Variants in ACAN observed in about 807,000 individuals in gnomAD.
The protein encoded by ACAN is aggrecan.
Under a neutral mutation model 169.1 loss-of-function variants are expected in ACAN, and 47 were observed. That is an observed-to-expected ratio of 0.28 (90% confidence interval 0.22 to 0.35). The LOEUF (loss-of-function observed/expected upper bound fraction) is 0.35. ACAN is among the 10% of genes least tolerant of loss of function. The pLI is 1.00. For missense variants in ACAN, 2,716 were observed against 2,759.9 expected (o/e 0.98, Z 0.36); for synonymous variants, 1,115 against 1,112.2 (o/e 1.00, Z -0.05).
chr15:88,865,990 C>T (rs1334193547), intron 13 of ACAN, among the ~76,000 whole-genome samples: 2 of 152,112 alleles, frequency 1.3e-5, no homozygotes, highest in Non-Finnish European at 2.9e-5. Flanking sequence ...CCCTCCTCAT[C>T]TGTAAATCCA....
In ACAN at chr15:88,814,509, G is replaced by A. The variant is rs1683231731; in HGVS notation, c.-8+10700G>A. ...GCTGTCTGCCACCCTGCAGCTAGCT[G>A]AGGGACAGGACAGATGACGAAAGCC... is the stretch of plus-strand genomic sequence containing the variant. On this transcript the variant is annotated intron_variant, in intron 1 of 18. Coordinates refer to ENST00000560601, the MANE Select transcript of ACAN (RefSeq NM_001369268.1). This position sits in a 1 kb window ranked among gnomAD's most constrained non-coding sequence, Gnocchi z 4.0. 6.6e-6 allele frequency among the ~76,000 whole-genome samples: 1 copy of A among 152,228 alleles called. No homozygotes were observed. Among genetic ancestry groups the A allele is most frequent in the Non-Finnish European group, 1.5e-5 (1 of 68,042 alleles).
rs1379576088 is a variant in ACAN at position 88,858,323 on chromosome 15, T to C, written c.5738T>C (p.Ile1913Thr). 2.0e-5 allele frequency: 32 copies of C among 1,613,770 alleles called. No homozygotes were observed. The East Asian group carries it at 2.7e-4, about 13-fold the overall frequency. Residue 1913 changes from isoleucine (I) to threonine (T), a missense_variant, in exon 12 of 19, where the codon ATT becomes ACT. By Grantham distance (89) the Ile-to-Thr change is moderately conservative. Coordinates refer to ENST00000560601, the MANE Select transcript of ACAN (RefSeq NM_001369268.1). This position sits in a 1 kb window ranked among gnomAD's most constrained non-coding sequence, Gnocchi z 4.0. ...EVSGESSRAE[I>T]GSSLPSGAYY... ...AGTGGAGAATCCTCCAGAGCTGAGA[T>C]TGGGAGCAGCCTGCCCTCGGGAGCA...
rs149083251 is a variant in ACAN at position 88,858,698 on chromosome 15, C to T, written c.6113C>T (p.Thr2038Ile). Residue 2038 changes from threonine to isoleucine, a missense_variant, in exon 12 of 19, where the codon ACT (threonine) becomes ATT (isoleucine). Thr to Ile is a moderately conservative substitution (Grantham distance 89). Transcript: ENST00000560601. This position sits in a 1 kb window ranked among gnomAD's most constrained non-coding sequence, Gnocchi z 4.0. ...GGACTTCCAGAAGTTACTTTAATCACTTCTGAGTTCGTGGAGGGTGTTACT... is the reference window on the plus strand; with the variant it reads ...GGACTTCCAGAAGTTACTTTAATCATTTCTGAGTTCGTGGAGGGTGTTACT... ...ASGLPEVTLI[T>I]SEFVEGVTEP... 26 of 1,613,970 alleles carry T rather than the reference C, an allele frequency of 1.6e-5. No homozygotes were observed. In the African/African-American group the frequency reaches 2.5e-4, roughly 16 times the overall value.
At chr15:88,864,938 T>C (rs1897257497) in intron 13 of ACAN, among the ~76,000 whole-genome samples, 3 of 152,194 alleles carry the variant, frequency 2.0e-5, no homozygotes, top group Admixed American at 1.3e-4. Context: ...TCGTTCAGCA[T>C]TTTTTATGAG....
Position 88,847,950 on chromosome 15 carries a change from C to G in ACAN, c.1644C>G (p.Asp548Glu). The change falls in exon 9 of 19, where the codon GAC becomes GAG. Residue 548 changes from aspartate to glutamate, a missense_variant. Transcript: ENST00000560601. ...IVSPRTPCVG[D>E]KDSSPGVRTY... ...GCCCCCGGACCCCATGCGTGGGTGA[C>G]AAGGACAGCAGCCCAGGGGTCAGGA... is the stretch of plus-strand genomic sequence containing the variant. 6.2e-7 allele frequency: 1 copy of G among 1,613,988 alleles called. No homozygotes were observed. Among genetic ancestry groups the G allele is most frequent in the Non-Finnish European group, 8.5e-7 (1 of 1,179,866 alleles).
At chr15:88,852,766 C>T (rs964689777) in intron 11 of ACAN, among the ~76,000 whole-genome samples, 1 of 152,180 alleles carries the variant, frequency 6.6e-6, no homozygotes, top group Admixed American at 6.5e-5. Context: ...TCCCCCCACT[C>T]CCACAGAGCA....
chr15:88,853,163 G>A (rs897133412), intron 11 of ACAN, among the ~76,000 whole-genome samples: 1 of 152,204 alleles, frequency 6.6e-6, no homozygotes, highest in Non-Finnish European at 1.5e-5. Context: ...GTGTGACTTT[G>A]CACAGGACTC....
intron 1 of ACAN, among the ~76,000 whole-genome samples, chr15:88,829,233 T>C (rs1471995367): frequency 1.3e-5 from 2 of 152,156 alleles, no homozygotes; most frequent in Non-Finnish European, 2.9e-5. Context: ...GGAGGAAATA[T>C]CAAAAGAGTA....
Position 88,814,627 on chromosome 15 carries a change from G to A in ACAN, c.-8+10818G>A, listed in dbSNP as rs528945121. Among the ~76,000 whole-genome samples, 233 of 152,300 alleles carry A rather than the reference G, an allele frequency of 1.5e-3. No individual in the cohort carries two copies. Among genetic ancestry groups the A allele is most frequent in the South Asian group, 3.1e-3 (15 of 4,816 alleles). On this transcript the variant is annotated intron_variant, in intron 1 of 18. Coordinates refer to ENST00000560601, the MANE Select transcript of ACAN (RefSeq NM_001369268.1). This position sits in a 1 kb window ranked among gnomAD's most constrained non-coding sequence, Gnocchi z 4.0. ...TCACTCCAGAGGGCGCCATTCCATTGTGGTCCATGGGAATAGCGACTCCTC... is the reference window on the plus strand; with the variant it reads ...TCACTCCAGAGGGCGCCATTCCATTATGGTCCATGGGAATAGCGACTCCTC...
chr15:88,852,647 C>T (rs75970817), intron 11 of ACAN, among the ~76,000 whole-genome samples: 3,212 of 152,312 alleles, frequency 0.021, 109 homozygotes, highest in African/African-American at 0.07. Context: ...CAGAGATTAA[C>T]AGGTTTCCTC....
Position 88,871,680 on chromosome 15 carries a change from G to T in ACAN, c.7219+140G>T, listed in dbSNP as rs1941992511. 2 of 1,231,534 alleles carry T rather than the reference G, an allele frequency of 1.6e-6. No homozygotes were observed. Among genetic ancestry groups the T allele is most frequent in the African/African-American group, 3.0e-5 (2 of 66,094 alleles). 76.3% of individuals were successfully genotyped at this position (1,231,534 alleles called of 1,614,324 possible). ...GGGGAGGGGGAACAGTGTTCCCACA[G>T]TCTGAGCTCCCAGAGAGAAGACAAC... On this transcript the variant is annotated intron_variant, in intron 15 of 18. Coordinates refer to ENST00000560601, the MANE Select transcript of ACAN (RefSeq NM_001369268.1). The surrounding 1 kb of genome is among the most constrained non-coding windows in gnomAD (Gnocchi z 7.8).
At chr15:88,808,824 C>G (rs1895749733) in intron 1 of ACAN, among the ~76,000 whole-genome samples, 1 of 152,036 alleles carries the variant, frequency 6.6e-6, no homozygotes, top group South Asian at 2.1e-4. Context: ...CTGGGCATGG[C>G]AACTGGAAAA....
Position 88,838,119 on chromosome 15 carries a change from C to T in ACAN, c.71-544C>T, listed in dbSNP as rs1203443009. Reference sequence around the variant, plus strand: ...ATGCTTCTCCACCTGAGTCCCCTGACTCCCAAACAGCAGAAGAGAGTGACT... The same window carrying T: ...ATGCTTCTCCACCTGAGTCCCCTGATTCCCAAACAGCAGAAGAGAGTGACT... On this transcript the variant is annotated intron_variant, in intron 2 of 18. Transcript: ENST00000560601. This position sits in a 1 kb window ranked among gnomAD's most constrained non-coding sequence, Gnocchi z 5.1. Among the ~76,000 whole-genome samples, 2 of 152,050 alleles carry T rather than the reference C, an allele frequency of 1.3e-5. No homozygotes were observed. Among genetic ancestry groups the T allele is most frequent in the Non-Finnish European group, 2.9e-5 (2 of 68,018 alleles).
Position 88,858,097 on chromosome 15 carries a change from G to A in ACAN, c.5512G>A (p.Glu1838Lys). The change falls in exon 12 of 19, where the codon GAA becomes AAA. Residue 1838 changes from glutamate (E) to lysine (K), a missense_variant. Glu to Lys is a moderately conservative substitution (Grantham distance 56). This residue lies in a region of ACAN where 1,389 missense variants were observed against 1,363.7 expected (regional missense o/e 1.02). Transcript: ENST00000560601. The surrounding 1 kb of genome is among the most constrained non-coding windows in gnomAD (Gnocchi z 4.0). ...TACATTTGTGGACACCAGTTTGGTT[G>A]AAGTGGCCCCTACTACATTTAAAGA... The part of the protein sequence containing the change: ...GITFVDTSLV[E>K]VAPTTFKEEE... 6.2e-7 allele frequency: 1 copy of A among 1,613,888 alleles called. No homozygotes were observed. The highest frequency in any genetic ancestry group is 8.5e-7 in the Non-Finnish European group (1 of 1,179,892).
intron 1 of ACAN, among the ~76,000 whole-genome samples, chr15:88,829,274 T>C (rs538139277): frequency 6.6e-6 from 1 of 152,176 alleles, no homozygotes; most frequent in Non-Finnish European, 1.5e-5. Context: ...CTTCACAATT[T>C]CCCTGGGGGT....
Position 88,857,773 on chromosome 15 carries a change from C to A in ACAN, c.5188C>A (p.Pro1730Thr). Residue 1730 changes from proline to threonine, a missense_variant, in exon 12 of 19, where the codon CCT (proline) becomes ACT (threonine). Pro to Thr is a conservative substitution (Grantham distance 38). Transcript: ENST00000560601. ...SGSPDVSGEI[P>T]GLFGVSGQPS... ...GTCTCCTGATGTCAGTGGGGAAATA[C>A]CTGGACTCTTTGGTGTCAGTGGACA... 6.2e-7 allele frequency: 1 copy of A among 1,613,928 alleles called. No individual in the cohort carries two copies.
At chr15:88,840,924 C>T (rs1380171218) in intron 4 of ACAN, among the ~76,000 whole-genome samples, 1 of 152,160 alleles carries the variant, frequency 6.6e-6, no homozygotes, top group Admixed American at 6.5e-5. Flanking sequence ...GCGGGCAGAT[C>T]ACGAAGTCAG....
In ACAN at chr15:88,806,635, A is replaced by G. The variant is rs1004614646; in HGVS notation, c.-8+2826A>G. On this transcript the variant is annotated intron_variant, in intron 1 of 18. Coordinates refer to ENST00000560601, the MANE Select transcript of ACAN (RefSeq NM_001369268.1). ...AAATGCTAGGATTCAGGCGTGAGCC[A>G]CCATGCCCAGCCAGTGAATTTCTTT... Among the ~76,000 whole-genome samples, 3 of 152,296 alleles carry G rather than the reference A, an allele frequency of 2.0e-5. No individual in the cohort carries two copies. In the East Asian group the frequency reaches 5.8e-4, roughly 29 times the overall value.
At chr15:88,813,654 T>C (rs1307780537) in intron 1 of ACAN, among the ~76,000 whole-genome samples, 3 of 152,256 alleles carry the variant, frequency 2.0e-5, no homozygotes, top group African/African-American at 7.2e-5. Context: ...ACCCAGCATG[T>C]GCCAGGGCCA....
Sources: allele counts gnomAD v4.1 joint callset (sites outside exome capture counted in the v4.1 genomes callset), GRCh38; gene constraint gnomAD v4.1.1; regional missense constraint gnomAD v4.1.1; non-coding constraint Gnocchi (gnomAD v3.1); transcripts MANE v1.5; gene names NCBI Gene and HGNC (gene_info 2026-07-23, HGNC 2026-07-21).